COL21A1: variants seen among roughly 807,000 people sequenced by gnomAD.
COL21A1 encodes collagen type XXI alpha 1 chain.
COL21A1 carries 149 observed loss-of-function variants against 137.9 expected under a neutral mutation model. The ratio of observed to expected loss-of-function variants is 1.08; its 90% CI spans 0.95 to 1.24. COL21A1 has a LOEUF of 1.24. Among genes scored for constraint, COL21A1 ranks in the 50% most tolerant of loss-of-function variants. COL21A1 has a pLI of 0.00. For synonymous variants in COL21A1, 456 were observed against 391.5 expected, an observed-to-expected ratio of 1.16 and a Z score of -1.95; for missense variants, 1,167 against 1,158.4, an observed-to-expected ratio of 1.01 and a Z score of -0.11.
chr6:56,149,107 C>T (rs1294209465), intron 10 of COL21A1, among the ~76,000 whole-genome samples: 1 of 152,202 alleles, frequency 6.6e-6, no homozygotes, highest in Non-Finnish European at 1.5e-5. Flanking sequence ...AAGACCCATA[C>T]ATTTATTCCA....
chr6:56,280,808 C>G (rs1242349132), intron 1 of COL21A1, among the ~76,000 whole-genome samples: 1 of 152,006 alleles, frequency 6.6e-6, no homozygotes, highest in Admixed American at 6.5e-5. Context: ...GCCAGGAGTT[C>G]AAGACCACCC....
At chr6:56,337,007 C>G (rs143266501) in intron 1 of COL21A1, among the ~76,000 whole-genome samples, 3 of 152,260 alleles carry the variant, frequency 2.0e-5, no homozygotes, top group Non-Finnish European at 4.4e-5. Context: ...CCCCTGCCAC[C>G]CTTAATTGTT....
chr6:56,323,453 A>G (rs4461733), intron 1 of COL21A1, among the ~76,000 whole-genome samples: 150,143 of 152,310 alleles, frequency 0.99, 74,036 homozygotes, highest in Middle Eastern at 1. Flanking sequence ...GCAATGGCAC[A>G]ATCTCAGCTG....
At chr6:56,061,603 G>A in intron 25 of COL21A1, 46 bp downstream of exon 25, 2 of 1,402,350 alleles carry the variant, frequency 1.4e-6, no homozygotes, top group Non-Finnish European at 2.0e-6. Context: ...AAGCAAAAAG[G>A]ACCGAAGAAA....
intron 1 of COL21A1, among the ~76,000 whole-genome samples, chr6:56,300,997 A>G (rs1446393927): frequency 6.6e-6 from 1 of 152,192 alleles, no homozygotes. Flanking sequence ...CCTAGGAATT[A>G]AAAATCATTC....
At chr6:56,289,877 T>C (rs922176738) in intron 1 of COL21A1, among the ~76,000 whole-genome samples, 6 of 152,074 alleles carry the variant, frequency 3.9e-5, no homozygotes, top group African/African-American at 1.4e-4. Context: ...TTGCAACCAG[T>C]TGCGGTTTTG....
At chr6:56,300,026 T>G (rs971947698) in intron 1 of COL21A1, among the ~76,000 whole-genome samples, 1 of 152,114 alleles carries the variant, frequency 6.6e-6, no homozygotes, top group African/African-American at 2.4e-5. Context: ...GCTAGCCAGC[T>G]TAGTGTTTTC....
At chr6:56,328,971 C>T (rs992105125) in intron 1 of COL21A1, among the ~76,000 whole-genome samples, 1 of 152,044 alleles carries the variant, frequency 6.6e-6, no homozygotes, top group Non-Finnish European at 1.5e-5. Flanking sequence ...AGTTCAGAGC[C>T]TTCAGAGCCC....
intron 1 of COL21A1, among the ~76,000 whole-genome samples, chr6:56,360,969 C>T (rs967420573): frequency 1.3e-5 from 2 of 152,046 alleles, no homozygotes; most frequent in Non-Finnish European, 1.5e-5. Context: ...GTTGTGGTGA[C>T]GCGTGCCTGT....
chr6:56,267,426 A>C (rs867560418), intron 1 of COL21A1, among the ~76,000 whole-genome samples: 6 of 152,216 alleles, frequency 3.9e-5, no homozygotes, highest in South Asian at 2.1e-4. Flanking sequence ...GTAAGCCCCA[A>C]GATGGAAAAA....
intron 1 of COL21A1, among the ~76,000 whole-genome samples, chr6:56,353,896 G>A (rs1326682182): frequency 6.6e-6 from 1 of 152,014 alleles, no homozygotes; most frequent in Non-Finnish European, 1.5e-5. Flanking sequence ...AAATACAAGA[G>A]AACATAATTT....
intron 1 of COL21A1, among the ~76,000 whole-genome samples, chr6:56,200,134 T>A (rs549658213): frequency 6.6e-6 from 1 of 152,108 alleles, no homozygotes; most frequent in Non-Finnish European, 1.5e-5. Context: ...GTTTGGTTTG[T>A]CCCAGGAACA....
At chr6:56,243,827 G>A (rs988508803) in intron 1 of COL21A1, among the ~76,000 whole-genome samples, 4 of 152,192 alleles carry the variant, frequency 2.6e-5, no homozygotes, top group Admixed American at 6.6e-5. Flanking sequence ...TTAACCAAGA[G>A]TCTATGCAGA....
At chr6:56,090,383 T>C (rs1276106986) in intron 17 of COL21A1, among the ~76,000 whole-genome samples, 1 of 152,256 alleles carries the variant, frequency 6.6e-6, no homozygotes, top group Admixed American at 6.5e-5. Flanking sequence ...ATGTCATTTA[T>C]GATAGGAAAG....
intron 1 of COL21A1, among the ~76,000 whole-genome samples, chr6:56,360,548 C>T (rs957602456): frequency 3.3e-5 from 5 of 152,056 alleles, no homozygotes; most frequent in Admixed American, 2.6e-4. Context: ...CAGGTAAAAA[C>T]GTTTTTGCAA....
chr6:56,093,938 C>A (rs891187935), intron 17 of COL21A1, among the ~76,000 whole-genome samples: 2 of 152,150 alleles, frequency 1.3e-5, no homozygotes, highest in African/African-American at 4.8e-5. Flanking sequence ...GAGTCCTGTA[C>A]CTAATCTCTT....
At chr6:56,293,292 C>G (rs9475656) in intron 1 of COL21A1, among the ~76,000 whole-genome samples, 46,496 of 151,988 alleles carry the variant, frequency 0.31, 7,630 homozygotes, top group Non-Finnish European at 0.36. Flanking sequence ...TCATTTTATA[C>G]GATCATTGTC....
intron 23 of COL21A1, among the ~76,000 whole-genome samples, chr6:56,064,889 G>A (rs1210394856): frequency 2.0e-5 from 3 of 151,936 alleles, no homozygotes; most frequent in Non-Finnish European, 2.9e-5. Context: ...TAGACAATGA[G>A]GATGTTCTTC....
chr6:56,338,001 C>T (rs1261908789), intron 1 of COL21A1, among the ~76,000 whole-genome samples: 3 of 137,844 alleles, frequency 2.2e-5, no homozygotes, highest in African/African-American at 5.3e-5. Context: ...CTCATTCTGT[C>T]GCCCAGGCTG....
Sources: allele counts gnomAD v4.1 joint callset (sites outside exome capture counted in the v4.1 genomes callset), GRCh38; gene constraint gnomAD v4.1.1; transcripts MANE v1.5; gene names NCBI Gene and HGNC (gene_info 2026-07-23, HGNC 2026-07-21).